The following SFI1 variants were observed in gnomAD, a reference collection of about 807,000 sequenced individuals.
SFI1 encodes protein SFI1 homolog.
Under a neutral mutation model 207.5 loss-of-function variants are expected in SFI1, and 195 were observed. The observed-to-expected ratio is 0.94, with a 90% CI of 0.84 to 1.06. The LOEUF is 1.06. SFI1 is among the 50% of genes least tolerant of loss of function. The pLI, the probability that SFI1 is intolerant of heterozygous loss-of-function variation, is 0.00. For synonymous variants in SFI1, 630 were observed against 598.9 expected, an observed-to-expected ratio of 1.05 and a Z score of -0.76; for missense variants, 1,634 against 1,588.0, an observed-to-expected ratio of 1.03 and a Z score of -0.49.
intron 10 of SFI1, 45 bp downstream of exon 10, chr22:31,575,437 A>G (rs1426932650): frequency 4.6e-6 from 7 of 1,524,948 alleles, no homozygotes; most frequent in Non-Finnish European, 6.2e-6. Context: ...CAGCCAGGAC[A>G]GCATGAGCTC....
At chr22:31,535,424 G>C (rs1269153857) in intron 4 of SFI1, among the ~76,000 whole-genome samples, 1 of 151,820 alleles carries the variant, frequency 6.6e-6, no homozygotes, top group Non-Finnish European at 1.5e-5. Flanking sequence ...TCCTGACCTT[G>C]TGATCCGCCC....
chr22:31,567,127 G>A (rs1175224087), intron 8 of SFI1, among the ~76,000 whole-genome samples: 1 of 152,020 alleles, frequency 6.6e-6, no homozygotes, highest in Non-Finnish European at 1.5e-5. Context: ...GGATGGTCTC[G>A]ATCTCCTGAC....
At chr22:31,501,956 A>AGT (rs1337110970) in intron 1 of SFI1, among the ~76,000 whole-genome samples, 7 of 151,944 alleles carry the variant, frequency 4.6e-5, no homozygotes, top group Non-Finnish European at 7.4e-5. Context: ...AGTGTCAGTG[A>AGT]GTGTGTGTGT....
chr22:31,598,862 C>G (rs2067635372), intron 15 of SFI1, among the ~76,000 whole-genome samples: 3 of 136,688 alleles, frequency 2.2e-5, no homozygotes, highest in Admixed American at 1.5e-4. Context: ...GGCACGATCT[C>G]AGCTCACTGC....
At chr22:31,605,213 C>T (rs1278345006) in intron 20 of SFI1, 4 of 294,656 alleles carry the variant, frequency 1.4e-5, no homozygotes, top group Non-Finnish European at 2.5e-5. Context: ...GCACTTTTTC[C>T]TCCCTGCTTC....
intron 4 of SFI1, among the ~76,000 whole-genome samples, chr22:31,531,607 C>T (rs758763163): frequency 4.7e-5 from 7 of 149,788 alleles, no homozygotes; most frequent in Admixed American, 2.0e-4. Context: ...AAAAATTAGC[C>T]GAGCAGCCAG....
Position 31,583,950 on chromosome 22 carries a change from C to G in SFI1, c.1324C>G (p.His442Asp), listed in dbSNP as rs183680439. 54 of 1,614,108 alleles carry G rather than the reference C, an allele frequency of 3.3e-5. No individual in the cohort carries two copies. The Admixed American group carries it at 9.0e-4, about 27-fold the overall frequency. Residue 442 changes from histidine to aspartate, a missense_variant, in exon 13 of 33, where the codon CAT (histidine) becomes GAT (aspartate). Physicochemically the swap from His to Asp is moderately conservative, Grantham distance 81 (BLOSUM62 -1). Transcript: ENST00000400288. ...GGAAAGAGAGCTGCTCCCCTTACTG[C>G]ATGCTGCCTGGGACCACTACAGGTA... ...KKERELLPLL[H>D]AAWDHYRIAL...
rs774120015 is a variant in SFI1, at chr22:31,573,110, A to G, written c.818A>G (p.Lys273Arg). The G allele has an allele frequency of 6.2e-7, 1 of 1,614,000 alleles. No individual in the cohort carries two copies. Among genetic ancestry groups the G allele is most frequent in the Non-Finnish European group, 8.5e-7 (1 of 1,179,962 alleles). Reference protein sequence around the residue: ...QLLYVQKEKQKVVSAVKHHQH... With the variant: ...QLLYVQKEKQRVVSAVKHHQH... Reference sequence around the variant, plus strand: ...CTGTATGTCCAGAAGGAGAAACAAAAGGTTGTCTCTGCAGTGAAACATCAT... The same window carrying G: ...CTGTATGTCCAGAAGGAGAAACAAAGGGTTGTCTCTGCAGTGAAACATCAT... Residue 273 changes from lysine (K) to arginine (R), a missense_variant, in exon 9 of 33, where the codon AAG (lysine) becomes AGG (arginine). Lys to Arg is a conservative substitution (Grantham distance 26, BLOSUM62 2). Transcript: ENST00000400288.
intron 17 of SFI1, among the ~76,000 whole-genome samples, chr22:31,603,135 A>G (rs1027542029): frequency 7.9e-5 from 12 of 152,202 alleles, no homozygotes; most frequent in African/African-American, 1.2e-4. Flanking sequence ...AGGAGAGTGA[A>G]GCACGGAAAT....
intron 27 of SFI1, 138 bp downstream of exon 27, chr22:31,613,993 C>A: frequency 8.4e-7 from 1 of 1,192,994 alleles, no homozygotes; most frequent in Non-Finnish European, 1.1e-6. Context: ...TGGGAACCCC[C>A]TCTTCTCCAG....
intron 15 of SFI1, among the ~76,000 whole-genome samples, chr22:31,598,560 C>T (rs1248706511): frequency 6.6e-6 from 1 of 151,184 alleles, no homozygotes; most frequent in African/African-American, 2.4e-5. Context: ...GCTGGGACTA[C>T]AGACGCCTGC....
intron 2 of SFI1, among the ~76,000 whole-genome samples, chr22:31,524,904 C>T (rs1342180308): frequency 6.6e-6 from 1 of 152,060 alleles, no homozygotes; most frequent in Non-Finnish European, 1.5e-5. Context: ...AAGCGATTCT[C>T]CTGCCTCAGC....
intron 2 of SFI1, among the ~76,000 whole-genome samples, chr22:31,519,046 C>T (rs552351323): frequency 6.6e-6 from 1 of 152,182 alleles, no homozygotes; most frequent in South Asian, 2.1e-4. Context: ...GCTTTGCATC[C>T]TTTTGCATAA....
chr22:31,509,042 CAT>C (rs1048819019), intron 2 of SFI1, among the ~76,000 whole-genome samples: 9 of 152,224 alleles, frequency 5.9e-5, no homozygotes, highest in East Asian at 3.9e-4. Flanking sequence ...TTGAGATAAT[CAT>C]GTGGTTTTTG....
At chr22:31,547,975 G>A (rs2060250762) in intron 5 of SFI1, among the ~76,000 whole-genome samples, 1 of 150,788 alleles carries the variant, frequency 6.6e-6, no homozygotes, top group South Asian at 2.1e-4. Flanking sequence ...AGCACTTTGG[G>A]AGGCCGAGAT....
chr22:31,538,085 C>G (rs567602509), intron 4 of SFI1, among the ~76,000 whole-genome samples: 1 of 152,228 alleles, frequency 6.6e-6, no homozygotes, highest in East Asian at 1.9e-4. Context: ...AATTCTCCTG[C>G]CTCAGCCTGC....
intron 9 of SFI1, 67 bp downstream of exon 9, chr22:31,573,281 T>G: frequency 5.8e-6 from 9 of 1,564,186 alleles, no homozygotes; most frequent in Non-Finnish European, 7.8e-6. Context: ...CTGCTGCCAG[T>G]GGTACTGTAC....
chr22:31,524,886 C>T (rs1187430503), intron 2 of SFI1, among the ~76,000 whole-genome samples: 1 of 152,014 alleles, frequency 6.6e-6, no homozygotes, highest in Admixed American at 6.6e-5. Flanking sequence ...CCACCACCTC[C>T]CAGGTTCAAG....
chr22:31,557,718 A>C (rs1266236531), intron 7 of SFI1, among the ~76,000 whole-genome samples: 1 of 152,232 alleles, frequency 6.6e-6, no homozygotes, highest in African/African-American at 2.4e-5. Flanking sequence ...ATTAAGATGT[A>C]CAATAAGGCT....
Sources: allele counts gnomAD v4.1 joint callset (sites outside exome capture counted in the v4.1 genomes callset), GRCh38; gene constraint gnomAD v4.1.1; transcripts MANE v1.5; gene names NCBI Gene and HGNC (gene_info 2026-07-23, HGNC 2026-07-21).